RPRD2: variants seen among roughly 807,000 people sequenced by gnomAD.
RPRD2 encodes regulation of nuclear pre-mRNA domain containing 2, also known as regulation of nuclear pre-mRNA domain-containing protein 2.
A neutral mutation model predicts 104.4 loss-of-function variants in RPRD2; 12 were observed. That is an observed-to-expected ratio of 0.11 (90% CI 0.07 to 0.19). The LOEUF is 0.19. RPRD2 is among the 10% of genes least tolerant of loss of function. The pLI, the probability that RPRD2 is intolerant of heterozygous loss-of-function variation, is 1.00. For missense variants in RPRD2, 1,543 were observed against 1,790.1 expected (o/e 0.86, Z 2.49); for synonymous variants, 714 against 684.9 (o/e 1.04, Z -0.66).
intron 1 of RPRD2, among the ~76,000 whole-genome samples, chr1:150,378,193 C>A (rs991571290): frequency 1.1e-5 from 1 of 92,776 alleles, no homozygotes; most frequent in Non-Finnish European, 2.4e-5. Context: ...TTACTGAGTT[C>A]TTATGTGATT....
chr1:150,387,040 G>T (rs1367557804), intron 1 of RPRD2, among the ~76,000 whole-genome samples: 1 of 152,146 alleles, frequency 6.6e-6, no homozygotes, highest in Non-Finnish European at 1.5e-5. Context: ...TGAGAAAATA[G>T]ACTAGTGTCT....
chr1:150,440,880 G>A (rs1666367300), intron 2 of RPRD2, 43 bp from the exon 3 acceptor site: 2 of 934,534 alleles, frequency 2.1e-6, no homozygotes, highest in East Asian at 5.3e-5. Flanking sequence ...TGGAGTAGAA[G>A]TCAAGGTTTT....
At chr1:150,384,902 A>G (rs1049818847) in intron 1 of RPRD2, among the ~76,000 whole-genome samples, 3 of 152,050 alleles carry the variant, frequency 2.0e-5, no homozygotes, top group Admixed American at 6.6e-5. Context: ...GTGAAGTCCC[A>G]GCTAGTTGGG....
intron 2 of RPRD2, among the ~76,000 whole-genome samples, chr1:150,434,087 G>A (rs781958179): frequency 9.2e-5 from 14 of 152,160 alleles, no homozygotes; most frequent in Non-Finnish European, 1.9e-4. Context: ...AGGCATGGTG[G>A]CTCATGCCTG....
chr1:150,377,257 T>C (rs782051895), intron 1 of RPRD2, among the ~76,000 whole-genome samples: 2 of 151,624 alleles, frequency 1.3e-5, no homozygotes, highest in Non-Finnish European at 2.9e-5. Context: ...TTCCTCTATG[T>C]AAACCCCTGT....
rs1401065223 is a variant in RPRD2 at position 150,475,529 on chromosome 1, G to A, written c.*2195G>A. ...TAATACATGAAAGGAAGACTTTGTT[G>A]GACAGTTTCGAAGGTGGGCTTTTAA... On this transcript the variant is annotated 3_prime_UTR_variant, in exon 11 of 11. Coordinates refer to ENST00000369068, the MANE Select transcript of RPRD2 (RefSeq NM_015203.5). 1 of 152,576 alleles carries A rather than the reference G, an allele frequency of 6.6e-6. No individual in the cohort carries two copies. Among genetic ancestry groups the A allele is most frequent in the South Asian group, 2.1e-4 (1 of 4,828 alleles). 9.5% of individuals were successfully genotyped at this position (152,576 alleles called of 1,614,324 possible).
At chr1:150,388,832 C>T (rs921847945) in intron 1 of RPRD2, among the ~76,000 whole-genome samples, 6 of 151,892 alleles carry the variant, frequency 4.0e-5, no homozygotes, top group African/African-American at 1.2e-4. Flanking sequence ...GTCTTGAACC[C>T]CTGACCTCGT....
At chr1:150,453,388 A>G (rs1383206032) in intron 7 of RPRD2, among the ~76,000 whole-genome samples, 1 of 151,794 alleles carries the variant, frequency 6.6e-6, no homozygotes, top group Non-Finnish European at 1.5e-5. Flanking sequence ...TCTCTCTCCA[A>G]CCACCTTTAT....
At position 150,444,336 on chromosome 1, in the gene RPRD2, G is replaced by T; in HGVS notation, c.653G>T (p.Arg218Met). Residue 218 changes from arginine (R) to methionine (M), a missense_variant, in exon 6 of 11, where the codon AGG becomes ATG. Around this residue, in one of 4 missense-constraint regions of RPRD2, gnomAD observed 572 missense variants for 787.3 expected, o/e 0.73. Coordinates refer to ENST00000369068, the MANE Select transcript of RPRD2 (RefSeq NM_015203.5). ...ELKEKQLSTMRVDVCSTETLK... is the reference protein window; with the variant it reads ...ELKEKQLSTMMVDVCSTETLK... ...AAGGAAAAGCAGTTGTCAACTATGAGGGTGGATGTGTGCAGCACAGAAACT... is the reference window on the plus strand; with the variant it reads ...AAGGAAAAGCAGTTGTCAACTATGATGGTGGATGTGTGCAGCACAGAAACT... 6.2e-7 allele frequency: 1 copy of T among 1,613,916 alleles called. No homozygotes were observed. The highest frequency in any genetic ancestry group is 8.5e-7 in the Non-Finnish European group (1 of 1,179,842).
At position 150,460,130 on chromosome 1, in the gene RPRD2, A is replaced by G; in HGVS notation, c.1224A>G (p.Glu408=). 6.2e-7 allele frequency: 1 copy of G among 1,613,966 alleles called. No individual in the cohort carries two copies. Among genetic ancestry groups the G allele is most frequent in the Middle Eastern group, 1.6e-4 (1 of 6,062 alleles). The stretch of plus-strand genomic sequence containing the variant: ...CTTCTGTACCTACAAAGCCAACAGA[A>G]AATATCTCAAAGGCCTCTTCATGTA... ...VSTSVPTKPT[E]NISKASSCTP... is the part of the protein sequence containing the mutation. The change falls in exon 9 of 11, where the codon GAA becomes GAG. Residue 408 remains glutamate (E), a synonymous_variant. Transcript: ENST00000369068.
chr1:150,365,030 A>C, intron 1 of RPRD2, 111 bp downstream of exon 1: 1 of 1,127,090 alleles, frequency 8.9e-7, no homozygotes, highest in Non-Finnish European at 1.3e-6. Flanking sequence ...GGGGTTGTTC[A>C]CATTAAAGGT....
intron 1 of RPRD2, among the ~76,000 whole-genome samples, chr1:150,396,898 C>G (rs116737758): frequency 0.025 from 3,809 of 151,916 alleles, 159 homozygotes; most frequent in African/African-American, 0.086. Flanking sequence ...ACGAGACACA[C>G]TATGCTAGCC....
intron 2 of RPRD2, among the ~76,000 whole-genome samples, chr1:150,431,473 A>ATATTTTT (rs1665568391): frequency 2.5e-5 from 2 of 78,850 alleles, no homozygotes; most frequent in Non-Finnish European, 4.8e-5. Context: ...AAAAGGAAGG[A>ATATTTTT]TTTTTTTTTT....
intron 1 of RPRD2, among the ~76,000 whole-genome samples, chr1:150,383,114 C>T (rs1157106764): frequency 1.3e-5 from 2 of 151,998 alleles, no homozygotes; most frequent in African/African-American, 4.8e-5. Context: ...CCATCTCAGC[C>T]TCCTGAGGTG....
At chr1:150,451,229 A>G (rs1553896503) in intron 7 of RPRD2, among the ~76,000 whole-genome samples, 1 of 152,102 alleles carries the variant, frequency 6.6e-6, no homozygotes. Flanking sequence ...CACAGAAGTG[A>G]TTCTGTGTTC....
intron 1 of RPRD2, among the ~76,000 whole-genome samples, chr1:150,368,394 G>A (rs1660016689): frequency 6.6e-6 from 1 of 150,912 alleles, no homozygotes; most frequent in Non-Finnish European, 1.5e-5. Context: ...CCAGGTCAAA[G>A]TGATTCTCTT....
chr1:150,380,719 C>T (rs1553880632), intron 1 of RPRD2, among the ~76,000 whole-genome samples: 1 of 151,792 alleles, frequency 6.6e-6, no homozygotes, highest in African/African-American at 2.4e-5. Flanking sequence ...CAATGGCGTG[C>T]TGTCGGCTCA....
intron 9 of RPRD2, among the ~76,000 whole-genome samples, chr1:150,461,824 CA>C (rs1362395087): frequency 6.6e-6 from 1 of 151,536 alleles, no homozygotes; most frequent in East Asian, 1.9e-4. Flanking sequence ...ACTAAAAATA[CA>C]AAAAAATAGC....
intron 2 of RPRD2, among the ~76,000 whole-genome samples, chr1:150,424,889 G>C (rs958736511): frequency 3.3e-5 from 5 of 151,816 alleles, no homozygotes; most frequent in Non-Finnish European, 5.9e-5. Context: ...TCAATTTTCT[G>C]TTATTGTTGC....
Sources: gnomAD v4.1 joint callset for allele counts (sites outside exome capture counted in the v4.1 genomes callset) on GRCh38, gnomAD v4.1.1 for gene constraint, gnomAD v4.1.1 regional missense constraint, MANE v1.5 for transcripts, NCBI Gene and HGNC (gene_info 2026-07-23, HGNC 2026-07-21) for gene names.